SOX5: variants seen among roughly 807,000 people sequenced by gnomAD.
SOX5 encodes the protein transcription factor SOX-5.
Under a neutral mutation model 92.0 loss-of-function variants are expected in SOX5, and 9 were observed. The ratio of observed to expected loss-of-function variants is 0.10; its 90% CI spans 0.06 to 0.17. SOX5 has a LOEUF of 0.17. SOX5 is among the 10% of genes least tolerant of loss of function. The probability of loss-of-function intolerance (pLI) is 1.00; values close to 1 mark genes in which losing one functional copy is unlikely to be tolerated. For missense variants in SOX5, 642 were observed against 944.5 expected (o/e 0.68, Z 4.20); for synonymous variants, 344 against 336.3 (o/e 1.02, Z -0.25).
intron 4 of SOX5, among the ~76,000 whole-genome samples, chr12:23,960,305 C>T (rs1946746827): frequency 6.6e-6 from 1 of 151,908 alleles, no homozygotes; most frequent in East Asian, 1.9e-4. Context: ...TGTAAAGTGG[C>T]ACTCTTATAT....
intron 11 of SOX5, among the ~76,000 whole-genome samples, chr12:23,551,872 G>A (rs748949284): frequency 1.3e-5 from 2 of 151,490 alleles, no homozygotes; most frequent in African/African-American, 2.4e-5. Flanking sequence ...AAATTTGGTA[G>A]CTTGCTTCAT....
chr12:24,416,392 C>T (rs766029235), intron 1 of SOX5, among the ~76,000 whole-genome samples: 1 of 152,210 alleles, frequency 6.6e-6, no homozygotes, highest in Non-Finnish European at 1.5e-5. Flanking sequence ...ATTTCACTGA[C>T]TGACCAACCC....
At chr12:24,539,831 C>T (rs771238556) in intron 1 of SOX5, among the ~76,000 whole-genome samples, 1 of 152,082 alleles carries the variant, frequency 6.6e-6, no homozygotes, top group Non-Finnish European at 1.5e-5. Flanking sequence ...AACACATAAA[C>T]ACTGAATGAC....
intron 9 of SOX5, among the ~76,000 whole-genome samples, chr12:23,593,943 C>A (rs1256067302): frequency 6.6e-6 from 1 of 151,938 alleles, no homozygotes; most frequent in Non-Finnish European, 1.5e-5. Flanking sequence ...GGTGTTTTTT[C>A]TTATGTGACT....
intron 1 of SOX5, among the ~76,000 whole-genome samples, chr12:23,935,061 G>C (rs1364559779): frequency 6.6e-6 from 1 of 151,186 alleles, no homozygotes; most frequent in African/African-American, 2.4e-5. Flanking sequence ...AGAGATCCAT[G>C]GATCAAGCCT....
chr12:24,529,411 G>A (rs2138621528), intron 1 of SOX5, among the ~76,000 whole-genome samples: 1 of 152,226 alleles, frequency 6.6e-6, no homozygotes, highest in African/African-American at 2.4e-5. Flanking sequence ...GATCTTTGTA[G>A]CATGTTATCA....
intron 3 of SOX5, among the ~76,000 whole-genome samples, chr12:23,764,048 A>G (rs2141379066): frequency 6.6e-6 from 1 of 152,184 alleles, no homozygotes; most frequent in African/African-American, 2.4e-5. Flanking sequence ...AATTCTAGCT[A>G]TTAGTTACAA....
intron 4 of SOX5, among the ~76,000 whole-genome samples, chr12:24,196,704 G>T (rs1014692551): frequency 6.6e-6 from 1 of 152,094 alleles, no homozygotes; most frequent in African/African-American, 2.4e-5. Flanking sequence ...AGGAGTTCAA[G>T]AACAGCCTGG....
At chr12:23,724,198 A>G (rs896216635) in intron 6 of SOX5, among the ~76,000 whole-genome samples, 5 of 152,062 alleles carry the variant, frequency 3.3e-5, no homozygotes, top group Admixed American at 1.3e-4. Context: ...ATCACTCATT[A>G]CTCTTCTAGT....
At chr12:24,203,167 G>A (rs1225478226) in intron 4 of SOX5, among the ~76,000 whole-genome samples, 1 of 152,092 alleles carries the variant, frequency 6.6e-6, no homozygotes, top group Non-Finnish European at 1.5e-5. Flanking sequence ...ACTATATTGA[G>A]AATATCCTAT....
chr12:23,854,140 T>C (rs1476301496), intron 2 of SOX5, among the ~76,000 whole-genome samples: 1 of 152,096 alleles, frequency 6.6e-6, no homozygotes, highest in African/African-American at 2.4e-5. Context: ...AAATTTTTAA[T>C]AGAGTTGCTT....
chr12:23,662,607 C>A (rs73073836), intron 7 of SOX5, among the ~76,000 whole-genome samples: 12,279 of 152,144 alleles, frequency 0.081, 605 homozygotes, highest in Non-Finnish European at 0.11. Flanking sequence ...AAAGAAAAAA[C>A]GATCTTTATG....
intron 9 of SOX5, among the ~76,000 whole-genome samples, chr12:23,600,552 T>TAC (rs147903206): frequency 1.2e-3 from 118 of 95,188 alleles, no homozygotes; most frequent in Middle Eastern, 6.9e-3. Flanking sequence ...TATATATATA[T>TAC]ACACATACTT....
At chr12:24,468,641 A>C (rs1034587307) in intron 1 of SOX5, among the ~76,000 whole-genome samples, 1 of 151,996 alleles carries the variant, frequency 6.6e-6, no homozygotes, top group African/African-American at 2.4e-5. Context: ...TCCCATTCTT[A>C]CTGTTTTTAT....
chr12:23,536,305 T>A, intron 14 of SOX5, 148 bp downstream of exon 14: 1 of 649,784 alleles, frequency 1.5e-6, no homozygotes, highest in Non-Finnish European at 2.7e-6. Context: ...TTTTTCAAGA[T>A]CATGTGGGAG....
chr12:24,153,722 T>C (rs1951885412), intron 4 of SOX5, among the ~76,000 whole-genome samples: 1 of 152,138 alleles, frequency 6.6e-6, no homozygotes, highest in Non-Finnish European at 1.5e-5. Flanking sequence ...AACACTCTGC[T>C]GTGGAAATCG....
intron 4 of SOX5, among the ~76,000 whole-genome samples, chr12:24,028,103 G>A (rs761970328): frequency 4.6e-5 from 7 of 151,936 alleles, no homozygotes; most frequent in Admixed American, 3.3e-4. Flanking sequence ...AGCAGGCAGG[G>A]AGGTTTCCCT....
chr12:23,638,549 G>A (rs1441638846), intron 8 of SOX5: 1 of 152,156 alleles, frequency 6.6e-6, no homozygotes, highest in Admixed American at 6.5e-5. Flanking sequence ...TCAAAGATTG[G>A]GGTGAATTTT....
At chr12:23,665,417 C>A in intron 7 of SOX5, 27 bp downstream of exon 7, 2 of 1,612,400 alleles carry the variant, frequency 1.2e-6, no homozygotes, top group Non-Finnish European at 1.7e-6. Context: ...TCCACCCACT[C>A]CCAGATGAAA....
Sources: gnomAD v4.1 joint callset for allele counts (sites outside exome capture counted in the v4.1 genomes callset) on GRCh38, gnomAD v4.1.1 for gene constraint, MANE v1.5 for transcripts, NCBI Gene and HGNC (gene_info 2026-07-23, HGNC 2026-07-21) for gene names.